TASP1: variants seen among roughly 807,000 people sequenced by gnomAD.
TASP1 encodes the protein taspase 1, also known as threonine aspartase 1.
A neutral mutation model predicts 56.6 loss-of-function variants in TASP1; 16 were observed. The ratio of observed to expected loss-of-function variants is 0.28; its 90% CI spans 0.19 to 0.43. The LOEUF (loss-of-function observed/expected upper bound fraction) is 0.43, where lower values mean the gene tolerates loss of function less well. Among genes scored for constraint, TASP1 ranks in the 20% least tolerant of loss-of-function variants. The probability of loss-of-function intolerance (pLI) is 1.00; values close to 1 mark genes in which losing one functional copy is unlikely to be tolerated. For missense variants in TASP1, 393 were observed against 511.6 expected (o/e 0.77, Z 2.24); for synonymous variants, 179 against 184.2 (o/e 0.97, Z 0.23).
At chr20:13,274,097 A>C in the TASP1 span, among the ~76,000 whole-genome samples, 5 of 151,682 alleles carry the variant, frequency 3.3e-5, no homozygotes, top group Non-Finnish European at 1.5e-5. Context: ...ATGTGCATGC[A>C]CACAAACACA....
chr20:13,395,564 T>C (rs2041497518), intron 13 of TASP1, among the ~76,000 whole-genome samples: 1 of 152,222 alleles, frequency 6.6e-6, no homozygotes, highest in Non-Finnish European at 1.5e-5. Flanking sequence ...TTCTCTTCTG[T>C]ATTTATCACT....
At chr20:13,571,474 T>C (rs566369365) in intron 6 of TASP1, among the ~76,000 whole-genome samples, 5 of 152,330 alleles carry the variant, frequency 3.3e-5, no homozygotes, top group African/African-American at 4.8e-5. Context: ...CAAAGTCCCA[T>C]TGACTCTACC....
chr20:13,524,198 G>A (rs556089983), intron 10 of TASP1, among the ~76,000 whole-genome samples: 9 of 151,906 alleles, frequency 5.9e-5, no homozygotes, highest in African/African-American at 2.2e-4. Flanking sequence ...GACAAGTAAC[G>A]GAAAAGCAAT....
chr20:13,381,573 G>A, the TASP1 span, among the ~76,000 whole-genome samples: 1 of 152,208 alleles, frequency 6.6e-6, no homozygotes, highest in Middle Eastern at 3.2e-3. Context: ...GATGCCACAG[G>A]ACTCTTCTTA....
chr20:13,221,109 C>G, the TASP1 span, among the ~76,000 whole-genome samples: 1 of 152,026 alleles, frequency 6.6e-6, no homozygotes, highest in South Asian at 2.1e-4. Flanking sequence ...CAGGCGGCCC[C>G]GAGGAGCGCG....
chr20:13,595,088 A>C (rs1174701858), intron 4 of TASP1, among the ~76,000 whole-genome samples: 3 of 152,228 alleles, frequency 2.0e-5, no homozygotes, highest in Non-Finnish European at 4.4e-5. Context: ...TCTTAAAGAA[A>C]AGAATTTTCA....
chr20:13,417,841 T>C (rs1448975131), intron 12 of TASP1, among the ~76,000 whole-genome samples: 1 of 151,976 alleles, frequency 6.6e-6, no homozygotes, highest in Non-Finnish European at 1.5e-5. Flanking sequence ...TTTGTAAATG[T>C]AATATTCCAT....
At chr20:13,569,700 T>C in intron 6 of TASP1, 114 bp from the exon 7 acceptor site, 3 of 822,336 alleles carry the variant, frequency 3.6e-6, no homozygotes, top group Non-Finnish European at 3.7e-6. Context: ...ATGGACATAA[T>C]TCCAGATTTA....
At chr20:13,511,529 C>G (rs1166467156) in intron 10 of TASP1, among the ~76,000 whole-genome samples, 1 of 151,998 alleles carries the variant, frequency 6.6e-6, no homozygotes, top group Non-Finnish European at 1.5e-5. Flanking sequence ...AAAACTACAC[C>G]AATCCAAACT....
chr20:13,567,764 T>C (rs1227568248), intron 7 of TASP1, among the ~76,000 whole-genome samples: 1 of 151,966 alleles, frequency 6.6e-6, no homozygotes, highest in Non-Finnish European at 1.5e-5. Context: ...ATGTACTGAA[T>C]AAGGAATAAA....
chr20:13,449,141 A>G (rs1055600152), intron 11 of TASP1, among the ~76,000 whole-genome samples: 5 of 152,084 alleles, frequency 3.3e-5, no homozygotes, highest in Admixed American at 6.6e-5. Context: ...CAAAGGCACC[A>G]GTGCTCCCGA....
At chr20:13,391,916 C>A (rs529631502) in intron 13 of TASP1, among the ~76,000 whole-genome samples, 1 of 147,058 alleles carries the variant, frequency 6.8e-6, no homozygotes, top group African/African-American at 2.6e-5. Context: ...TGAAGTGAGC[C>A]GAGATCACGC....
intron 12 of TASP1, among the ~76,000 whole-genome samples, chr20:13,425,935 CTT>C (rs2042604129): frequency 6.6e-6 from 1 of 152,166 alleles, no homozygotes; most frequent in Non-Finnish European, 1.5e-5. Context: ...CCCTGAAAAA[CTT>C]TCACCACTTA....
intron 13 of TASP1, among the ~76,000 whole-genome samples, chr20:13,402,287 G>C (rs902520801): frequency 3.9e-5 from 6 of 152,174 alleles, no homozygotes; most frequent in African/African-American, 1.2e-4. Context: ...ACCAACGACT[G>C]TTAGAAATTA....
chr20:13,373,411 T>G, the TASP1 span, among the ~76,000 whole-genome samples: 2 of 152,078 alleles, frequency 1.3e-5, no homozygotes, highest in East Asian at 3.8e-4. Context: ...AAAATTTCCT[T>G]TAGTATTTAT....
chr20:13,430,544 G>C (rs1276622833), intron 12 of TASP1, among the ~76,000 whole-genome samples: 1 of 152,174 alleles, frequency 6.6e-6, no homozygotes, highest in Non-Finnish European at 1.5e-5. Context: ...CATGGCAGTT[G>C]GTCTCACCCA....
chr20:13,194,820 C>A, the TASP1 span, among the ~76,000 whole-genome samples: 1 of 152,230 alleles, frequency 6.6e-6, no homozygotes, highest in South Asian at 2.1e-4. Flanking sequence ...CACATGCTTA[C>A]CCTGGAATCA....
At chr20:13,576,327 G>GAA (rs1227811807) in intron 6 of TASP1, among the ~76,000 whole-genome samples, 1 of 122,724 alleles carries the variant, frequency 8.1e-6, no homozygotes, top group African/African-American at 3.1e-5. Flanking sequence ...AGAAAGAAAA[G>GAA]AGAAAGAAAG....
chr20:13,333,891 G>C, the TASP1 span, among the ~76,000 whole-genome samples: 2 of 152,104 alleles, frequency 1.3e-5, no homozygotes, highest in Non-Finnish European at 2.9e-5. Context: ...CTTCCAACTG[G>C]ATTCAACACG....
Sources: gnomAD v4.1 joint callset for allele counts (sites outside exome capture counted in the v4.1 genomes callset) on GRCh38, gnomAD v4.1.1 for gene constraint, MANE v1.5 for transcripts, NCBI Gene and HGNC (gene_info 2026-07-23, HGNC 2026-07-21) for gene names.